Variants in TCP11L2 observed in about 807,000 individuals in gnomAD.
The protein encoded by TCP11L2 is t-complex 11 like 2, also known as T-complex protein 11-like protein 2.
In TCP11L2, 39 loss-of-function variants were observed where a neutral mutation model predicts 50.7. The observed-to-expected ratio is 0.77, with a 90% CI of 0.60 to 1.01. The LOEUF (loss-of-function observed/expected upper bound fraction) is 1.01. Ranked by LOEUF, TCP11L2 falls within the 50% of genes least tolerant of loss-of-function variation. The pLI, the probability that TCP11L2 is intolerant of heterozygous loss-of-function variation, is 0.00. For missense variants in TCP11L2, 612 were observed against 614.7 expected, an observed-to-expected ratio of 1.00 and a Z score of 0.05; for synonymous variants, 192 against 219.3, an observed-to-expected ratio of 0.88 and a Z score of 1.10.
chr12:106,334,754 A>G (rs2035854626), intron 6 of TCP11L2, among the ~76,000 whole-genome samples: 1 of 152,182 alleles, frequency 6.6e-6, no homozygotes, highest in South Asian at 2.1e-4. Flanking sequence ...CATCCTGGCC[A>G]ACATGGTGAA....
intron 9 of TCP11L2, among the ~76,000 whole-genome samples, chr12:106,344,763 A>C (rs1020346876): frequency 3.2e-4 from 49 of 152,348 alleles, no homozygotes; most frequent in African/African-American, 1.1e-3. Context: ...CCCTTGGAGC[A>C]GCCTGAGCTA....
At chr12:106,342,464 C>T (rs1400127107) in intron 9 of TCP11L2, among the ~76,000 whole-genome samples, 7 of 152,174 alleles carry the variant, frequency 4.6e-5, no homozygotes, top group African/African-American at 1.7e-4. Context: ...ATGTTGTCCC[C>T]AGCTGAACAG....
rs147683783 is a variant in TCP11L2 at position 106,333,887 on chromosome 12, C to G, written c.773-1752C>G. On this transcript the variant is annotated intron_variant, in intron 6 of 9. Coordinates refer to ENST00000299045, the MANE Select transcript of TCP11L2 (RefSeq NM_152772.3). ...TTCATATTTAATGACTCTCCTCCCA[C>G]TTGCTCGTTCTACAAATGAGGAAAT... 2.4e-4 allele frequency among the ~76,000 whole-genome samples: 37 copies of G among 152,260 alleles called. No homozygotes were observed. In the East Asian group the frequency reaches 7.0e-3, roughly 29 times the overall value.
chr12:106,334,935 C>T (rs891806630), intron 6 of TCP11L2, among the ~76,000 whole-genome samples: 2 of 151,318 alleles, frequency 1.3e-5, no homozygotes, highest in East Asian at 1.9e-4. Flanking sequence ...AGTGAGACCC[C>T]GTCTTAAAAA....
rs780958246 is a variant in TCP11L2, at chr12:106,323,728, T to C, written c.772+82T>C. ...ATGTTAAAATTTAAATTAAATTAAATTAAATTAAATTAAATTAATAAATAA... is the reference window on the plus strand; with the variant it reads ...ATGTTAAAATTTAAATTAAATTAAACTAAATTAAATTAAATTAATAAATAA... On this transcript the variant is annotated intron_variant, in intron 6 of 9. Transcript: ENST00000299045. The C allele has an allele frequency of 2.9e-4, 135 of 462,910 alleles. 1 individual carries two copies. The highest frequency in any genetic ancestry group is 4.0e-4 in the Non-Finnish European group (126 of 314,872). 28.7% of individuals were successfully genotyped at this position (462,910 alleles called of 1,614,324 possible).
upstream of TCP11L2, among the ~76,000 whole-genome samples, chr12:106,299,726 A>C (rs1485256783): frequency 6.6e-6 from 1 of 152,196 alleles, no homozygotes; most frequent in African/African-American, 2.4e-5. Flanking sequence ...GAAGTATTTA[A>C]ATTATTCTCT....
At chr12:106,302,401 C>G (rs1342693385), upstream of TCP11L2, among the ~76,000 whole-genome samples, 1 of 83,730 alleles carries the variant, frequency 1.2e-5, no homozygotes, top group Non-Finnish European at 2.4e-5. Flanking sequence ...CGCTCAGCCC[C>G]CGCTCAGCCC....
At position 106,314,574 on chromosome 12, in the gene TCP11L2, TGTGAGAGAGAGAGAGA is replaced by T. The variant is rs2035003690; in HGVS notation, c.293+83_293+98del. On this transcript the variant is annotated intron_variant, in intron 3 of 9. Coordinates refer to ENST00000299045, the MANE Select transcript of TCP11L2 (RefSeq NM_152772.3). ...GTGTGTGTGTGTGTGTGTGTGTGTG[TGTGAGAGAGAGAGAGA>T]GAGAGAGAGAGACAGAGAGAGAGAT... 3 of 615,926 alleles carry T rather than the reference TGTGAGAGAGAGAGAGA, an allele frequency of 4.9e-6. No individual in the cohort carries two copies. In the South Asian group the frequency reaches 8.9e-5, roughly 18 times the overall value. The allele number at this position is 615,926 out of a possible 1,614,324, so 38.2% of individuals were successfully genotyped here.
chr12:106,306,805 C>T lies in TCP11L2; in HGVS notation c.-36+3864C>T, dbSNP rs375437085. On this transcript the variant is annotated intron_variant, in intron 1 of 9. Transcript: ENST00000299045. ...TATTATTGTCCCATTTTACAAATGG[C>T]GAGTTCTCTGTTTCTAGTCAGTAAA... 2.0e-5 allele frequency among the ~76,000 whole-genome samples: 3 copies of T among 152,282 alleles called. No individual in the cohort carries two copies. In the East Asian group the frequency reaches 5.8e-4, roughly 29 times the overall value.
intron 2 of TCP11L2, among the ~76,000 whole-genome samples, chr12:106,311,678 A>G (rs1052092089): frequency 6.6e-6 from 1 of 152,226 alleles, no homozygotes. Flanking sequence ...TCAAAAAAAT[A>G]TTGTGCAAAT....
upstream of TCP11L2, among the ~76,000 whole-genome samples, chr12:106,302,269 G>C (rs369293756): frequency 2.1e-4 from 32 of 151,822 alleles, no homozygotes; most frequent in African/African-American, 7.2e-4. Flanking sequence ...TCCACTGGAG[G>C]CTTGGCCCGC....
chr12:106,338,220 C>T (rs1431084084), intron 8 of TCP11L2, among the ~76,000 whole-genome samples: 3 of 152,004 alleles, frequency 2.0e-5, no homozygotes, highest in Non-Finnish European at 4.4e-5. Flanking sequence ...AGGTTTTTTA[C>T]GTGGGTAAAT....
chr12:106,312,091 CAT>C (rs535266207), intron 2 of TCP11L2, among the ~76,000 whole-genome samples: 75 of 152,176 alleles, frequency 4.9e-4, no homozygotes, highest in Non-Finnish European at 8.5e-4. Context: ...TTCACATAGA[CAT>C]ATGTGTGTAT....
chr12:106,311,582 T>G (rs1306344685), intron 2 of TCP11L2, among the ~76,000 whole-genome samples: 3 of 152,226 alleles, frequency 2.0e-5, no homozygotes, highest in Non-Finnish European at 4.4e-5. Flanking sequence ...TCTTTTCTGA[T>G]TATTCCTGAT....
intron 8 of TCP11L2, among the ~76,000 whole-genome samples, chr12:106,336,544 G>A (rs1157440286): frequency 5.6e-5 from 8 of 141,634 alleles, no homozygotes; most frequent in African/African-American, 1.0e-4. Flanking sequence ...TTAGAATTGC[G>A]CAATTTTTTT....
chr12:106,314,193 C>G lies in TCP11L2; in HGVS notation c.158-165C>G, dbSNP rs149563935. ...TGAAGGAGTTCTTAAATTTTTGAAG[C>G]CTTTATTAACTGAGGGAATTCACCT... On this transcript the variant is annotated intron_variant, in intron 2 of 9. Transcript: ENST00000299045. 2.9e-3 allele frequency among the ~76,000 whole-genome samples: 446 copies of G among 152,156 alleles called. 2 individuals are homozygous for G. The highest frequency in any genetic ancestry group is 0.01 in the African/African-American group (421 of 41,488).
At chr12:106,328,404 T>C (rs2035630640) in intron 6 of TCP11L2, among the ~76,000 whole-genome samples, 1 of 151,932 alleles carries the variant, frequency 6.6e-6, no homozygotes, top group African/African-American at 2.4e-5. Flanking sequence ...ATTAGCCGGG[T>C]GTGGTGGCGC....
intron 4 of TCP11L2, among the ~76,000 whole-genome samples, chr12:106,320,391 C>T (rs1402762514): frequency 6.6e-6 from 1 of 150,540 alleles, no homozygotes; most frequent in Non-Finnish European, 1.5e-5. Flanking sequence ...AGCGAGACTC[C>T]ATCTCAAAAA....
chr12:106,300,572 C>A (rs945970820), upstream of TCP11L2, among the ~76,000 whole-genome samples: 6 of 152,188 alleles, frequency 3.9e-5, no homozygotes, highest in Non-Finnish European at 8.8e-5. Flanking sequence ...CCTTGTGATC[C>A]ACCTGCCTCG....
Sources: gnomAD v4.1 joint callset for allele counts (sites outside exome capture counted in the v4.1 genomes callset) on GRCh38, gnomAD v4.1.1 for gene constraint, MANE v1.5 for transcripts, NCBI Gene and HGNC (gene_info 2026-07-23, HGNC 2026-07-21) for gene names.